The following ITFG1 variants were observed in gnomAD, a reference collection of about 807,000 sequenced individuals.
ITFG1 encodes integrin alpha FG-GAP repeat containing 1.
A neutral mutation model predicts 81.8 loss-of-function variants in ITFG1; 34 were observed. The ratio of observed to expected loss-of-function variants is 0.42; its 90% confidence interval spans 0.32 to 0.55. The LOEUF is 0.55. Among genes scored for constraint, ITFG1 ranks in the 20% least tolerant of loss-of-function variants. ITFG1 has a pLI of 0.17. For synonymous variants in ITFG1, 285 were observed against 270.6 expected (o/e 1.05, Z -0.52); for missense variants, 672 against 755.4 (o/e 0.89, Z 1.29).
chr16:47,269,419 C>T (rs1966312365), intron 10 of ITFG1, among the ~76,000 whole-genome samples: 1 of 143,392 alleles, frequency 7.0e-6, no homozygotes, highest in Non-Finnish European at 1.5e-5. Flanking sequence ...GAGGCCATGA[C>T]AGGAGGATTG....
chr16:47,380,048 C>CAAAAAA (rs763213367), intron 6 of ITFG1, among the ~76,000 whole-genome samples: 2 of 49,102 alleles, frequency 4.1e-5, no homozygotes, highest in African/African-American at 1.3e-4. Context: ...CTTGGGTAGC[C>CAAAAAA]AAAAAAAAAA....
chr16:47,213,745 G>A (rs923274191), intron 14 of ITFG1, among the ~76,000 whole-genome samples: 4 of 152,130 alleles, frequency 2.6e-5, no homozygotes, highest in Non-Finnish European at 5.9e-5. Flanking sequence ...TACATCCATG[G>A]GCTGGGAGTG....
At chr16:47,376,157 T>C (rs1275349046) in intron 6 of ITFG1, among the ~76,000 whole-genome samples, 1 of 152,174 alleles carries the variant, frequency 6.6e-6, no homozygotes, top group Non-Finnish European at 1.5e-5. Flanking sequence ...TATTAGTCCT[T>C]CAAGAATATT....
intron 10 of ITFG1, among the ~76,000 whole-genome samples, chr16:47,269,526 G>GC (rs1348723254): frequency 7.7e-5 from 11 of 143,132 alleles, no homozygotes; most frequent in Admixed American, 4.2e-4. Context: ...AAAGTACCAG[G>GC]CATAATAGCA....
chr16:47,428,944 G>A (rs1485191287), intron 5 of ITFG1, 46 bp from the exon 6 acceptor site: 5 of 1,003,560 alleles, frequency 5.0e-6, no homozygotes, highest in Admixed American at 4.4e-5. Context: ...AACATCAAAT[G>A]AGCATTATTT....
chr16:47,454,608 A>G (rs955309512), intron 2 of ITFG1, among the ~76,000 whole-genome samples: 6 of 152,218 alleles, frequency 3.9e-5, no homozygotes, highest in Non-Finnish European at 7.3e-5. Context: ...CAAAATTTAC[A>G]GTAAAAATTA....
chr16:47,203,906 G>A (rs146013324), intron 14 of ITFG1, among the ~76,000 whole-genome samples: 90 of 152,242 alleles, frequency 5.9e-4, no homozygotes, highest in African/African-American at 2.1e-3. Flanking sequence ...CGTTTAATGG[G>A]TACAGAGTTT....
At chr16:47,405,352 G>A (rs745901043) in intron 6 of ITFG1, among the ~76,000 whole-genome samples, 3 of 152,212 alleles carry the variant, frequency 2.0e-5, no homozygotes, top group Non-Finnish European at 4.4e-5. Context: ...TCTTAACCAG[G>A]TGACCACCTA....
chr16:47,459,069 A>G (rs1596998182), intron 2 of ITFG1, 34 bp downstream of exon 2: 4 of 1,271,790 alleles, frequency 3.1e-6, no homozygotes, highest in Non-Finnish European at 4.6e-6. Flanking sequence ...ATTAATGACT[A>G]AAGTTTTATC....
intron 13 of ITFG1, among the ~76,000 whole-genome samples, chr16:47,224,197 A>C (rs1326527108): frequency 1.3e-5 from 2 of 152,240 alleles, no homozygotes; most frequent in Non-Finnish European, 2.9e-5. Flanking sequence ...CATGTACACT[A>C]AAACTTAAAG....
chr16:47,362,193 C>T (rs986418125), intron 8 of ITFG1, among the ~76,000 whole-genome samples: 2 of 152,252 alleles, frequency 1.3e-5, no homozygotes, highest in Admixed American at 1.3e-4. Flanking sequence ...AGTCCAGCTC[C>T]GGCTCTCACC....
intron 14 of ITFG1, among the ~76,000 whole-genome samples, chr16:47,198,697 T>C (rs558723032): frequency 1.3e-5 from 2 of 152,280 alleles, no homozygotes; most frequent in South Asian, 2.1e-4. Context: ...GAAGACTTTC[T>C]AGTGGAACAA....
At chr16:47,300,509 G>A (rs1291538528) in intron 10 of ITFG1, among the ~76,000 whole-genome samples, 1 of 152,178 alleles carries the variant, frequency 6.6e-6, no homozygotes, top group Non-Finnish European at 1.5e-5. Context: ...AGGAACTGGA[G>A]ACTATCCCAC....
chr16:47,203,806 C>T (rs1442706979), intron 14 of ITFG1, among the ~76,000 whole-genome samples: 1 of 152,132 alleles, frequency 6.6e-6, no homozygotes, highest in Non-Finnish European at 1.5e-5. Context: ...GGGGGATGGG[C>T]ACCCCTGACC....
At chr16:47,306,295 A>C (rs966236542) in intron 10 of ITFG1, among the ~76,000 whole-genome samples, 1 of 152,184 alleles carries the variant, frequency 6.6e-6, no homozygotes, top group African/African-American at 2.4e-5. Context: ...ATAACCATTG[A>C]CTGAGCTATT....
At chr16:47,345,370 G>A (rs1161428996) in intron 8 of ITFG1, among the ~76,000 whole-genome samples, 5 of 150,948 alleles carry the variant, frequency 3.3e-5, no homozygotes, top group East Asian at 1.9e-4. Context: ...GCACTATCTC[G>A]GCTCACTGCA....
chr16:47,375,923 A>T lies in ITFG1; in HGVS notation c.673T>A (p.Leu225Met). 1 of 1,604,710 alleles carries T rather than the reference A, an allele frequency of 6.2e-7. No homozygotes were observed. Among genetic ancestry groups the T allele is most frequent in the Middle Eastern group, 1.7e-4 (1 of 6,036 alleles). Residue 225 changes from leucine to methionine, a missense_variant, in exon 7 of 18, where the codon TTG becomes ATG. Physicochemically the swap from Leu to Met is conservative, Grantham distance 15 (BLOSUM62 2). Coordinates refer to ENST00000320640, the MANE Select transcript of ITFG1 (RefSeq NM_030790.5). ...TGGAAGGTACTAGTGGTGGCATTCA[A>T]TGTCGTCAGGAATAAATCTAGAAGG... ...DFTADLFLTT[L>M]NATTSTFQFE... is the part of the protein sequence containing the mutation.
chr16:47,338,655 C>CTT (rs879271028), intron 8 of ITFG1, among the ~76,000 whole-genome samples: 1 of 141,806 alleles, frequency 7.1e-6, no homozygotes, highest in Non-Finnish European at 1.6e-5. Context: ...AAAAACTTTA[C>CTT]TTTTTTTTTT....
At chr16:47,220,416 GCTAA>G (rs377665475) in intron 13 of ITFG1, among the ~76,000 whole-genome samples, 79 of 152,354 alleles carry the variant, frequency 5.2e-4, no homozygotes, top group African/African-American at 1.8e-3. Context: ...TGGGTATTTA[GCTAA>G]CTAACGTTTT....
Sources: allele counts gnomAD v4.1 joint callset (sites outside exome capture counted in the v4.1 genomes callset), GRCh38; gene constraint gnomAD v4.1.1; transcripts MANE v1.5; gene names NCBI Gene and HGNC (gene_info 2026-07-23, HGNC 2026-07-21).